Variants in SORCS3 observed in about 807,000 individuals in gnomAD.
SORCS3 encodes VPS10 domain-containing receptor SorCS3.
SORCS3 carries 57 observed loss-of-function variants against 146.3 expected under a neutral mutation model. The ratio of observed to expected loss-of-function variants is 0.39; its 90% CI spans 0.31 to 0.49. The LOEUF is 0.49. SORCS3 is among the 20% of genes least tolerant of loss of function. The pLI, the probability that SORCS3 is intolerant of heterozygous loss-of-function variation, is 0.92. For missense variants in SORCS3, 1,341 were observed against 1,575.5 expected (o/e 0.85, Z 2.52); for synonymous variants, 653 against 618.5 (o/e 1.06, Z -0.83).
rs551044243 is a variant in SORCS3, at chr10:104,799,373, G to A, written c.628-43419G>A. Among the ~76,000 whole-genome samples, 7 of 152,298 alleles carry A rather than the reference G, an allele frequency of 4.6e-5. No individual in the cohort carries two copies. In the South Asian group the frequency reaches 6.2e-4, roughly 14 times the overall value. ...GGAATACTATGCAGCCATAAAAAAGGATGAGTTCATGTCCTTTGCAGGGAC... is the reference window on the plus strand; with the variant it reads ...GGAATACTATGCAGCCATAAAAAAGAATGAGTTCATGTCCTTTGCAGGGAC... On this transcript the variant is annotated intron_variant, in intron 1 of 26. Transcript: ENST00000369701.
chr10:104,848,230 G>T (rs1466211387), intron 2 of SORCS3, among the ~76,000 whole-genome samples: 1 of 151,976 alleles, frequency 6.6e-6, no homozygotes, highest in African/African-American at 2.4e-5. Context: ...CTGCCACTTG[G>T]GGATTCTGTG....
At chr10:104,789,143 G>A (rs1353232282) in intron 1 of SORCS3, among the ~76,000 whole-genome samples, 1 of 152,194 alleles carries the variant, frequency 6.6e-6, no homozygotes, top group African/African-American at 2.4e-5. Context: ...AGTGTGGTGT[G>A]TCCCTTTTGA....
intron 12 of SORCS3, among the ~76,000 whole-genome samples, chr10:105,166,208 C>G (rs2056311444): frequency 6.6e-6 from 1 of 152,066 alleles, no homozygotes; most frequent in African/African-American, 2.4e-5. Flanking sequence ...TTCCCTGGGG[C>G]ATATATATAG....
chr10:104,796,020 T>C (rs541911810), intron 1 of SORCS3, among the ~76,000 whole-genome samples: 2 of 152,320 alleles, frequency 1.3e-5, no homozygotes, highest in South Asian at 2.1e-4. Flanking sequence ...TGAGCTGTCA[T>C]GTGTCTTTGG....
intron 3 of SORCS3, among the ~76,000 whole-genome samples, chr10:104,924,003 GATGTTGGCACGATCATC>G: frequency 6.6e-6 from 1 of 152,292 alleles, no homozygotes; most frequent in Admixed American, 6.5e-5. Context: ...GAAACTCTAT[GATGTTGGCACGATCATC>G]ATGCAATTTG....
intron 5 of SORCS3, among the ~76,000 whole-genome samples, chr10:105,045,571 C>G (rs2055366140): frequency 6.6e-6 from 1 of 151,968 alleles, no homozygotes; most frequent in Admixed American, 6.6e-5. Flanking sequence ...TTCTAAAGCT[C>G]TAAACCGCTT....
At chr10:105,150,287 G>A (rs2056159374) in intron 9 of SORCS3, among the ~76,000 whole-genome samples, 1 of 152,112 alleles carries the variant, frequency 6.6e-6, no homozygotes. Flanking sequence ...TGATAATGCT[G>A]TACCCCAGAA....
At chr10:104,904,789 A>AT (rs869242961) in intron 2 of SORCS3, among the ~76,000 whole-genome samples, 23 of 65,788 alleles carry the variant, frequency 3.5e-4, no homozygotes, top group Non-Finnish European at 5.2e-4. Flanking sequence ...GTGCGTTATT[A>AT]TTTTTTTTTT....
intron 23 of SORCS3, among the ~76,000 whole-genome samples, chr10:105,254,628 G>T (rs574826197): frequency 6.6e-6 from 1 of 152,028 alleles, no homozygotes; most frequent in South Asian, 2.1e-4. Context: ...GTGAAACCCC[G>T]TCTCTACTAA....
At chr10:104,711,938 G>C (rs963804953) in intron 1 of SORCS3, among the ~76,000 whole-genome samples, 1 of 152,138 alleles carries the variant, frequency 6.6e-6, no homozygotes, top group South Asian at 2.1e-4. Context: ...ACCACTGCCT[G>C]CCCCGCTTTT....
intron 1 of SORCS3, among the ~76,000 whole-genome samples, chr10:104,681,096 C>A (rs147353962): frequency 1.2e-4 from 19 of 152,220 alleles, no homozygotes; most frequent in African/African-American, 4.6e-4. Context: ...TAACACATGC[C>A]GGTCTCCCTG....
At chr10:104,754,691 G>A (rs887335921) in intron 1 of SORCS3, among the ~76,000 whole-genome samples, 4 of 152,186 alleles carry the variant, frequency 2.6e-5, no homozygotes, top group African/African-American at 9.7e-5. Context: ...CTTAGGAAAT[G>A]ATTCTCATCA....
intron 1 of SORCS3, chr10:104,665,012 T>G (rs1166558883): frequency 6.5e-6 from 1 of 152,900 alleles, no homozygotes; most frequent in African/African-American, 2.4e-5. Context: ...GATGGTGACA[T>G]GTTTGAGGAC....
chr10:104,917,540 G>T (rs529831344), intron 3 of SORCS3, among the ~76,000 whole-genome samples: 1 of 152,022 alleles, frequency 6.6e-6, no homozygotes, highest in Non-Finnish European at 1.5e-5. Flanking sequence ...ATAATATATT[G>T]CCATTAACTA....
At chr10:104,731,805 T>C (rs1010883556) in intron 1 of SORCS3, among the ~76,000 whole-genome samples, 1 of 152,198 alleles carries the variant, frequency 6.6e-6, no homozygotes, top group African/African-American at 2.4e-5. Context: ...GTTCAAAGCA[T>C]GAGTGAGGAC....
At chr10:104,854,011 C>T (rs2133555245) in intron 2 of SORCS3, among the ~76,000 whole-genome samples, 1 of 152,256 alleles carries the variant, frequency 6.6e-6, no homozygotes, top group East Asian at 1.9e-4. Context: ...GAAGTTTGAC[C>T]TCAGATCTGT....
intron 1 of SORCS3, among the ~76,000 whole-genome samples, chr10:104,672,264 T>G (rs543273649): frequency 6.6e-6 from 1 of 152,294 alleles, no homozygotes; most frequent in East Asian, 1.9e-4. Context: ...ATACAATTGT[T>G]CATAGTACTC....
chr10:104,958,223 GA>G (rs1343083613), intron 3 of SORCS3, among the ~76,000 whole-genome samples: 1 of 152,054 alleles, frequency 6.6e-6, no homozygotes, highest in East Asian at 1.9e-4. Context: ...GGAGAGTTCT[GA>G]ATTTGAACCT....
At chr10:104,930,716 G>A (rs180746681) in intron 3 of SORCS3, among the ~76,000 whole-genome samples, 2 of 152,330 alleles carry the variant, frequency 1.3e-5, no homozygotes, top group Admixed American at 1.3e-4. Context: ...CTGGGTTGCT[G>A]AGGGCCTCTT....
Sources: gnomAD v4.1 joint callset for allele counts (sites outside exome capture counted in the v4.1 genomes callset) on GRCh38, gnomAD v4.1.1 for gene constraint, MANE v1.5 for transcripts, NCBI Gene and HGNC (gene_info 2026-07-23, HGNC 2026-07-21) for gene names.